The following RAE1 variants were observed in gnomAD, a reference collection of about 807,000 sequenced individuals.
RAE1 encodes the protein mRNA export factor RAE1.
RAE1 carries 13 observed loss-of-function variants against 52.7 expected under a neutral mutation model. The observed-to-expected ratio is 0.25, with a 90% CI of 0.16 to 0.39. The LOEUF is 0.39. RAE1 is among the 10% of genes least tolerant of loss of function. The probability of loss-of-function intolerance (pLI) is 1.00; values close to 1 mark genes in which losing one functional copy is unlikely to be tolerated. For missense variants in RAE1, 262 were observed against 459.8 expected (o/e 0.57, Z 3.93); for synonymous variants, 164 against 153.1 (o/e 1.07, Z -0.52).
chr20:57,358,866 T>A, intron 4 of RAE1: 1 of 1,017,134 alleles, frequency 9.8e-7, no homozygotes, highest in Admixed American at 3.9e-5. Flanking sequence ...CAACCAAAAT[T>A]TTTAATGCAG....
intron 11 of RAE1, 22 bp from the exon 12 acceptor site, chr20:57,377,991 T>G: frequency 6.5e-7 from 1 of 1,532,342 alleles, no homozygotes; most frequent in East Asian, 2.3e-5. Context: ...ATAAGATCAT[T>G]GGTGTTTTTT....
rs764034237 is a variant in RAE1, at chr20:57,373,536, G to A, written c.704G>A (p.Ser235Asn). 1.2e-6 allele frequency: 2 copies of A among 1,614,182 alleles called. No homozygotes were observed. Among genetic ancestry groups the A allele is most frequent in the South Asian group, 1.1e-5 (1 of 91,086 alleles). Residue 235 changes from serine (S) to asparagine (N), a missense_variant, in exon 9 of 12, where the codon AGT becomes AAT. Coordinates refer to ENST00000395841, the MANE Select transcript of RAE1 (RefSeq NM_003610.4). ...AAGCCTACTGGTTTTGCCCTGGGAA[G>A]TATCGAGGGGAGAGTTGCTATTCAC... ...QNKPTGFALG[S>N]IEGRVAIHYI...
At chr20:57,371,550 C>T (rs2067035845) in intron 8 of RAE1, 1 of 152,182 alleles carries the variant, frequency 6.6e-6, no homozygotes. Flanking sequence ...TACCAGAAAG[C>T]CCAAAGATAA....
Position 57,365,410 on chromosome 20 carries a change from C to A in RAE1, c.343C>A (p.Leu115Ile). The A allele has an allele frequency of 6.2e-7, 1 of 1,610,430 alleles. No homozygotes were observed. Among genetic ancestry groups the A allele is most frequent in the Non-Finnish European group, 8.5e-7 (1 of 1,177,708 alleles). ...SCDKTAKMWD[L>I]SSNQAIQIAQ... Reference sequence around the variant, plus strand: ...TGATAAAACTGCCAAAATGTGGGACCTCAGCAGTAACCAAGCGATACAGAT... The same window carrying A: ...TGATAAAACTGCCAAAATGTGGGACATCAGCAGTAACCAAGCGATACAGAT... Residue 115 changes from leucine to isoleucine, a missense_variant, in exon 5 of 12, where the codon CTC becomes ATC. Coordinates refer to ENST00000395841, the MANE Select transcript of RAE1 (RefSeq NM_003610.4).
Position 57,374,812 on chromosome 20 carries a change from C to G in RAE1, c.1020+11C>G. On this transcript the variant is annotated intron_variant, in intron 11 of 11. Transcript: ENST00000395841. ...TACGACTGGTCAAAGGTGAGAACTC[C>G]CGGGCCTGCTCTGGGTGCTCCAAGG... 6.2e-7 allele frequency: 1 copy of G among 1,614,154 alleles called. No individual in the cohort carries two copies. Among genetic ancestry groups the G allele is most frequent in the African/African-American group, 1.3e-5 (1 of 75,048 alleles).
chr20:57,370,562 G>A (rs571460915), intron 8 of RAE1, among the ~76,000 whole-genome samples: 2 of 152,246 alleles, frequency 1.3e-5, no homozygotes, highest in South Asian at 2.1e-4. Context: ...ACACCCAGTC[G>A]GACAGCTCCT....
intron 3 of RAE1, among the ~76,000 whole-genome samples, chr20:57,355,824 A>G (rs1180114909): frequency 6.6e-6 from 1 of 152,210 alleles, no homozygotes. Context: ...TGCTTTCTAC[A>G]TGTAATTTTT....
At chr20:57,372,944 A>C (rs1009260392) in intron 8 of RAE1, 1 of 154,542 alleles carries the variant, frequency 6.5e-6, no homozygotes, top group African/African-American at 2.4e-5. Flanking sequence ...TGTAGAATAG[A>C]GACCTGCCCT....
intron 1 of RAE1, 111 bp downstream of exon 1, chr20:57,351,533 C>T (rs2066708530): frequency 2.0e-6 from 2 of 985,492 alleles, no homozygotes; most frequent in East Asian, 1.1e-4. Context: ...GCGAGCGGGA[C>T]TGTTGACTAA....
intron 4 of RAE1, among the ~76,000 whole-genome samples, chr20:57,362,022 G>T (rs1482585852): frequency 6.6e-6 from 1 of 152,190 alleles, no homozygotes; most frequent in Admixed American, 6.5e-5. Context: ...GCACACGTGA[G>T]GGATCTAGGT....
At chr20:57,355,274 ACT>A (rs901763270) in intron 3 of RAE1, among the ~76,000 whole-genome samples, 24 of 152,192 alleles carry the variant, frequency 1.6e-4, no homozygotes, top group African/African-American at 4.8e-4. Flanking sequence ...AAGAAAGAAA[ACT>A]CTGGTAGAAA....
At chr20:57,377,388 T>C (rs1379888535) in intron 11 of RAE1, among the ~76,000 whole-genome samples, 1 of 152,180 alleles carries the variant, frequency 6.6e-6, no homozygotes, top group Non-Finnish European at 1.5e-5. Flanking sequence ...AGCCTCCTTT[T>C]CCCTGGGGAA....
chr20:57,363,874 G>A (rs1018741331), intron 4 of RAE1, among the ~76,000 whole-genome samples: 42 of 152,136 alleles, frequency 2.8e-4, no homozygotes, highest in Non-Finnish European at 5.9e-5. Flanking sequence ...ACAACTTCTC[G>A]ATAGTGGAAA....
At chr20:57,357,230 G>A (rs185786553) in intron 4 of RAE1, among the ~76,000 whole-genome samples, 1 of 152,104 alleles carries the variant, frequency 6.6e-6, no homozygotes, top group Non-Finnish European at 1.5e-5. Flanking sequence ...CAGATCCATC[G>A]GCCTCCAAAT....
At chr20:57,351,752 T>C in intron 1 of RAE1, 1 of 985,534 alleles carries the variant, frequency 1.0e-6, no homozygotes, top group Non-Finnish European at 1.2e-6. Flanking sequence ...AAGCTTTCCC[T>C]GGCCGCTTTG....
At position 57,368,701 on chromosome 20, in the gene RAE1, C is replaced by T. The variant is rs1256040544; in HGVS notation, c.535-4C>T. On this transcript the variant is annotated splice_region_variant and splice_polypyrimidine_tract_variant and intron_variant, in intron 7 of 11. Coordinates refer to ENST00000395841, the MANE Select transcript of RAE1 (RefSeq NM_003610.4). ...GCGCATCTCTGTTTTCTTCCATTCC[C>T]TAGATATACCCCATGGCTGTGGTGG... 1.9e-6 allele frequency: 3 copies of T among 1,603,878 alleles called. No individual in the cohort carries two copies. The highest frequency in any genetic ancestry group is 2.6e-6 in the Non-Finnish European group (3 of 1,171,190).
rs191894677 is a variant in RAE1 at position 57,361,620 on chromosome 20, T to C, written c.289-3736T>C. Among the ~76,000 whole-genome samples, 120 of 152,312 alleles carry C rather than the reference T, an allele frequency of 7.9e-4. 1 individual carries two copies. The highest frequency in any genetic ancestry group is 1.4e-3 in the Non-Finnish European group (94 of 68,018). On this transcript the variant is annotated intron_variant, in intron 4 of 11. Transcript: ENST00000395841. ...ATGAATTAACACCTTATGGTTGTTA[T>C]GTCAGTCCGGAATATTCAGTATAAG...
intron 11 of RAE1, among the ~76,000 whole-genome samples, chr20:57,375,554 C>T (rs1417734349): frequency 6.6e-6 from 1 of 151,938 alleles, no homozygotes; most frequent in African/African-American, 2.4e-5. Flanking sequence ...CTTTTCTGGG[C>T]CTTCTCCCAC....
chr20:57,365,468 T>A, intron 5 of RAE1, 26 bp downstream of exon 5: 1 of 1,512,454 alleles, frequency 6.6e-7, no homozygotes, highest in Non-Finnish European at 9.1e-7. Flanking sequence ...GCAGAAAGGC[T>A]AGGCACAACT....
Sources: gnomAD v4.1 joint callset for allele counts (sites outside exome capture counted in the v4.1 genomes callset) on GRCh38, gnomAD v4.1.1 for gene constraint, MANE v1.5 for transcripts, NCBI Gene and HGNC (gene_info 2026-07-23, HGNC 2026-07-21) for gene names.